SBF2: variants seen among roughly 807,000 people sequenced by gnomAD.
SBF2 encodes the protein SET binding factor 2, also known as myotubularin-related protein 13.
Under a neutral mutation model 225.2 loss-of-function variants are expected in SBF2, and 112 were observed. That is an observed-to-expected ratio of 0.50 (90% confidence interval 0.43 to 0.58). SBF2 has a LOEUF of 0.58. Among genes scored for constraint, SBF2 ranks in the 20% least tolerant of loss-of-function variants. The pLI, the probability that SBF2 is intolerant of heterozygous loss-of-function variation, is 0.00. For missense variants in SBF2, 1,996 were observed against 2,206.2 expected, an observed-to-expected ratio of 0.90 and a Z score of 1.91; for synonymous variants, 763 against 773.3, an observed-to-expected ratio of 0.99 and a Z score of 0.22.
intron 16 of SBF2, among the ~76,000 whole-genome samples, chr11:9,914,062 G>C (rs552897337): frequency 7.2e-5 from 11 of 152,220 alleles, no homozygotes; most frequent in African/African-American, 2.6e-4. Flanking sequence ...AAAATTATGA[G>C]GCATACTAAA....
chr11:9,918,379 G>T (rs1863293307), intron 16 of SBF2, among the ~76,000 whole-genome samples: 1 of 151,836 alleles, frequency 6.6e-6, no homozygotes, highest in African/African-American at 2.4e-5. Context: ...TTGAGACAGG[G>T]TCTCACTTTA....
intron 2 of SBF2, among the ~76,000 whole-genome samples, chr11:10,086,002 T>C (rs1756609149): frequency 8.5e-6 from 1 of 117,300 alleles, no homozygotes; most frequent in Non-Finnish European, 1.6e-5. Flanking sequence ...GCAAGCAGTT[T>C]GTCAAAAGAT....
In SBF2 at chr11:10,037,636, TAA is replaced by T. The variant is rs200090705; in HGVS notation, c.279+5206_279+5207del. Among the ~76,000 whole-genome samples, 8 of 147,872 alleles carry T rather than the reference TAA, an allele frequency of 5.4e-5. No individual in the cohort carries two copies. In the East Asian group the frequency reaches 5.9e-4, roughly 11 times the overall value. ...TCAACTAGTGTACAGCAACTTTTGT[TAA>T]AAAAAAAAAATCCTTATTATTGGAA... On this transcript the variant is annotated intron_variant, in intron 3 of 39. Transcript: ENST00000256190.
intron 2 of SBF2, among the ~76,000 whole-genome samples, chr11:10,193,275 T>C (rs1957244382): frequency 6.6e-6 from 1 of 151,794 alleles, no homozygotes; most frequent in African/African-American, 2.4e-5. Flanking sequence ...ATCCCTGAAG[T>C]TACTAGGCTA....
upstream of SBF2, among the ~76,000 whole-genome samples, chr11:10,294,797 G>A (rs1964428528): frequency 6.6e-6 from 1 of 152,244 alleles, no homozygotes. Context: ...GCGCCCGGGA[G>A]AGCCAGATTC....
chr11:9,853,688 G>C lies in SBF2; in HGVS notation c.2388C>G (p.Ser796Arg), dbSNP rs1857121600. ...TNSIAGSVAESYDTESGFEDS... is the reference protein window; with the variant it reads ...TNSIAGSVAERYDTESGFEDS... ...CTTCAAACCCACTCTCTGTATCATAGCTCTCAGCTACACTTCCTGCAATAC... is the reference window on the plus strand; with the variant it reads ...CTTCAAACCCACTCTCTGTATCATACCTCTCAGCTACACTTCCTGCAATAC... The change falls in exon 20 of 40, where the codon AGC (serine) becomes AGG (arginine). Residue 796 changes from serine (S) to arginine (R), a missense_variant. Physicochemically the swap from Ser to Arg is moderately radical, Grantham distance 110. Coordinates refer to ENST00000256190, the MANE Select transcript of SBF2 (RefSeq NM_030962.4). The C allele has an allele frequency of 6.2e-6, 10 of 1,613,848 alleles. No homozygotes were observed. Among genetic ancestry groups the C allele is most frequent in the Non-Finnish European group, 7.6e-6 (9 of 1,179,912 alleles).
At chr11:10,012,202 G>A (rs1303942398) in intron 6 of SBF2, among the ~76,000 whole-genome samples, 1 of 152,196 alleles carries the variant, frequency 6.6e-6, no homozygotes, top group Non-Finnish European at 1.5e-5. Context: ...CTGTAGTGCA[G>A]TGGCATAATC....
intron 16 of SBF2, among the ~76,000 whole-genome samples, chr11:9,939,741 A>G (rs1865137242): frequency 6.6e-6 from 1 of 152,204 alleles, no homozygotes; most frequent in Non-Finnish European, 1.5e-5. Context: ...GCCAATACTT[A>G]TTAACTACAG....
At chr11:9,896,343 A>G (rs1439850623) in intron 16 of SBF2, among the ~76,000 whole-genome samples, 6 of 152,180 alleles carry the variant, frequency 3.9e-5, no homozygotes, top group African/African-American at 4.8e-5. Context: ...TGTAACTTAC[A>G]CAAATTTTTT....
chr11:9,817,559 T>C (rs117295257), intron 28 of SBF2, among the ~76,000 whole-genome samples: 1,911 of 141,902 alleles, frequency 0.013, 17 homozygotes, highest in Middle Eastern at 0.057. Flanking sequence ...CAAAACGATG[T>C]AATTCTAAAC....
At chr11:9,850,418 G>T (rs1361833637) in intron 21 of SBF2, among the ~76,000 whole-genome samples, 200 bp from the exon 22 acceptor site, 2 of 152,030 alleles carry the variant, frequency 1.3e-5, no homozygotes, top group Non-Finnish European at 2.9e-5. Flanking sequence ...ACTATGCCTG[G>T]CTTATTTTTA....
At chr11:9,818,920 C>T (rs1488454247) in intron 28 of SBF2, among the ~76,000 whole-genome samples, 1 of 151,872 alleles carries the variant, frequency 6.6e-6, no homozygotes, top group South Asian at 2.1e-4. Context: ...TGGGGTTTCA[C>T]CATCTTGGTC....
chr11:9,924,146 T>C (rs959368842), intron 16 of SBF2, among the ~76,000 whole-genome samples: 2 of 152,204 alleles, frequency 1.3e-5, no homozygotes, highest in Admixed American at 1.3e-4. Flanking sequence ...GTCCTAGACT[T>C]ATGATGGTTT....
chr11:10,116,313 G>A (rs904783838), intron 2 of SBF2, among the ~76,000 whole-genome samples: 1 of 152,136 alleles, frequency 6.6e-6, no homozygotes, highest in Non-Finnish European at 1.5e-5. Context: ...CTGTGATACT[G>A]TTCTGAAACA....
chr11:9,930,452 G>A (rs1864404872), intron 16 of SBF2, among the ~76,000 whole-genome samples: 1 of 152,156 alleles, frequency 6.6e-6, no homozygotes, highest in African/African-American at 2.4e-5. Context: ...CAGTCACCTG[G>A]GAATGGGTAT....
intron 32 of SBF2, among the ~76,000 whole-genome samples, chr11:9,798,350 AG>A (rs1853261671): frequency 3.3e-5 from 5 of 152,104 alleles, no homozygotes; most frequent in Admixed American, 3.3e-4. Context: ...TGGAATCAAC[AG>A]CCCCACCCCA....
chr11:9,785,890 AG>A (rs1852341084), intron 36 of SBF2, among the ~76,000 whole-genome samples: 2 of 151,682 alleles, frequency 1.3e-5, no homozygotes, highest in Non-Finnish European at 2.9e-5. Context: ...TTTTTGAGAC[AG>A]GGTCTCACTC....
intron 16 of SBF2, among the ~76,000 whole-genome samples, chr11:9,954,551 G>C (rs990296561): frequency 5.9e-5 from 9 of 152,154 alleles, no homozygotes; most frequent in Non-Finnish European, 1.3e-4. Flanking sequence ...GCATGTGCTT[G>C]ATGAAGCACA....
chr11:10,266,517 T>C (rs1184964104), intron 1 of SBF2, among the ~76,000 whole-genome samples: 1 of 152,170 alleles, frequency 6.6e-6, no homozygotes, highest in African/African-American at 2.4e-5. Flanking sequence ...TTGAAGCTAG[T>C]AGCAAACTAC....
Sources: allele counts gnomAD v4.1 joint callset (sites outside exome capture counted in the v4.1 genomes callset), GRCh38; gene constraint gnomAD v4.1.1; transcripts MANE v1.5; gene names NCBI Gene and HGNC (gene_info 2026-07-23, HGNC 2026-07-21).